ERICH3: variants seen among roughly 807,000 people sequenced by gnomAD.
The protein encoded by ERICH3 is glutamate-rich protein 3.
In ERICH3, 126 loss-of-function variants were observed where a neutral mutation model predicts 131.1. The ratio of observed to expected loss-of-function variants is 0.96; its 90% CI spans 0.83 to 1.11. The LOEUF (loss-of-function observed/expected upper bound fraction) is 1.11, where lower values mean the gene tolerates loss of function less well. Ranked by LOEUF, ERICH3 falls within the 50% of genes most tolerant of loss-of-function variation. The pLI, the probability that ERICH3 is intolerant of heterozygous loss-of-function variation, is 0.00. For synonymous variants in ERICH3, 695 were observed against 644.6 expected (o/e 1.08, Z -1.18); for missense variants, 2,050 against 1,810.7 (o/e 1.13, Z -2.40).
intron 11 of ERICH3, among the ~76,000 whole-genome samples, chr1:74,596,790 A>T (rs907534933): frequency 2.6e-5 from 4 of 152,046 alleles, no homozygotes; most frequent in Admixed American, 2.6e-4. Flanking sequence ...TTTTTAAATG[A>T]TAGGAAGTCT....
chr1:74,574,988 T>C (rs1647024579), intron 13 of ERICH3, among the ~76,000 whole-genome samples: 1 of 150,108 alleles, frequency 6.7e-6, no homozygotes, highest in African/African-American at 2.5e-5. Flanking sequence ...AAACTCTAAC[T>C]TAAAAAAAAA....
intron 6 of ERICH3, chr1:74,634,859 T>A: frequency 1.8e-6 from 1 of 557,120 alleles, no homozygotes; most frequent in Non-Finnish European, 3.2e-6. Context: ...TATCAGGCCA[T>A]ATAGGCCTTA....
chr1:74,657,639 T>C (rs1410816077), intron 1 of ERICH3, among the ~76,000 whole-genome samples: 3 of 152,144 alleles, frequency 2.0e-5, no homozygotes, highest in African/African-American at 2.4e-5. Flanking sequence ...ATAGCCTTAA[T>C]ATGATGGTTT....
In ERICH3 at chr1:74,671,247, T is replaced by C. The variant is rs577452405; in HGVS notation, c.23+2250A>G. ...TCTTTGTTGGACCTTTATCAGTAGT[T>C]CTGCTTTTGCCCTTTGCCTTGTGAT... On this transcript the variant is annotated intron_variant, in intron 1 of 14. Transcript: ENST00000326665. Among the ~76,000 whole-genome samples, 8 of 150,486 alleles carry C rather than the reference T, an allele frequency of 5.3e-5. No homozygotes were observed. In the East Asian group the frequency reaches 1.4e-3, roughly 26 times the overall value.
intron 10 of ERICH3, among the ~76,000 whole-genome samples, chr1:74,605,591 T>C (rs11210486): frequency 0.1 from 15,544 of 151,720 alleles, 960 homozygotes; most frequent in Non-Finnish European, 0.14. Flanking sequence ...ATTAACCTAA[T>C]TTCAATACTG....
chr1:74,643,373 A>T (rs530847047), intron 3 of ERICH3, among the ~76,000 whole-genome samples: 127 of 152,266 alleles, frequency 8.3e-4, no homozygotes, highest in African/African-American at 2.9e-3. Context: ...AAGTAATTTT[A>T]AAAAATGTCT....
At chr1:74,660,177 C>T (rs958335977) in intron 1 of ERICH3, among the ~76,000 whole-genome samples, 1 of 152,016 alleles carries the variant, frequency 6.6e-6, no homozygotes, top group Non-Finnish European at 1.5e-5. Context: ...CTCCTTCCTG[C>T]CACCATGTGA....
intron 1 of ERICH3, among the ~76,000 whole-genome samples, chr1:74,660,449 G>C (rs1161463480): frequency 6.6e-6 from 1 of 151,370 alleles, no homozygotes; most frequent in African/African-American, 2.4e-5. Context: ...ATGTTGGCTT[G>C]GAAATCTGAT....
chr1:74,671,576 A>G (rs1354146479), intron 1 of ERICH3, among the ~76,000 whole-genome samples: 3 of 152,124 alleles, frequency 2.0e-5, no homozygotes, highest in African/African-American at 7.2e-5. Flanking sequence ...TAAAGAATCT[A>G]TGTTGAAATA....
intron 1 of ERICH3, among the ~76,000 whole-genome samples, chr1:74,665,342 G>A (rs1162608862): frequency 6.6e-6 from 1 of 152,014 alleles, no homozygotes; most frequent in East Asian, 1.9e-4. Flanking sequence ...CCCAGTCTAT[G>A]GTATTCTATT....
chr1:74,592,054 T>A (rs1356338862), intron 11 of ERICH3: 1 of 152,178 alleles, frequency 6.6e-6, no homozygotes, highest in Non-Finnish European at 1.5e-5. Context: ...GGTCTTAGCA[T>A]TTTAAATATA....
intron 13 of ERICH3, among the ~76,000 whole-genome samples, chr1:74,576,107 C>T (rs1647048975): frequency 6.6e-6 from 1 of 152,166 alleles, no homozygotes; most frequent in African/African-American, 2.4e-5. Flanking sequence ...AATAACACCT[C>T]TCTAATCTTT....
chr1:74,643,144 G>T, intron 3 of ERICH3, 46 bp from the exon 4 acceptor site: 1 of 1,436,816 alleles, frequency 7.0e-7, no homozygotes, highest in Non-Finnish European at 9.7e-7. Context: ...ATCAGTTATA[G>T]CAAAGACCAG....
chr1:74,603,388 T>C (rs1209881352), intron 10 of ERICH3, among the ~76,000 whole-genome samples: 1 of 151,926 alleles, frequency 6.6e-6, no homozygotes, highest in Non-Finnish European at 1.5e-5. Flanking sequence ...GCCTGTAAAA[T>C]TGAAGTAGTA....
intron 10 of ERICH3, among the ~76,000 whole-genome samples, chr1:74,601,485 C>T (rs1253501366): frequency 1.3e-5 from 2 of 151,778 alleles, no homozygotes; most frequent in Admixed American, 6.6e-5. Context: ...TAATGTTTTT[C>T]AACACAATGG....
chr1:74,640,043 T>C (rs1188961648), intron 5 of ERICH3, among the ~76,000 whole-genome samples: 2 of 152,132 alleles, frequency 1.3e-5, no homozygotes, highest in African/African-American at 4.8e-5. Context: ...AGAGAAAGGT[T>C]TTTGAAGCTG....
At chr1:74,612,933 G>A (rs1193837703) in intron 8 of ERICH3, 124 bp from the exon 9 acceptor site, 6 of 757,138 alleles carry the variant, frequency 7.9e-6, no homozygotes, top group Non-Finnish European at 1.2e-5. Context: ...CAATCTTTTG[G>A]CTTCCCTGGT....
At chr1:74,596,929 A>G (rs966700406) in intron 11 of ERICH3, among the ~76,000 whole-genome samples, 13 of 152,044 alleles carry the variant, frequency 8.6e-5, no homozygotes, top group African/African-American at 2.9e-4. Context: ...TGGCAGTTCA[A>G]ATGAGGCTGA....
intron 1 of ERICH3, among the ~76,000 whole-genome samples, chr1:74,663,595 A>G (rs1489126837): frequency 6.6e-6 from 1 of 151,252 alleles, no homozygotes; most frequent in Admixed American, 6.6e-5. Flanking sequence ...GAAGGGTTCT[A>G]AAAATGGTGT....
Sources: allele counts gnomAD v4.1 joint callset (sites outside exome capture counted in the v4.1 genomes callset), GRCh38; gene constraint gnomAD v4.1.1; transcripts MANE v1.5; gene names NCBI Gene and HGNC (gene_info 2026-07-23, HGNC 2026-07-21).